DSG2: variants seen among roughly 807,000 people sequenced by gnomAD.
DSG2 encodes the protein desmoglein 2.
In DSG2, 45 loss-of-function variants were observed where a neutral mutation model predicts 75.6. That is an observed-to-expected ratio of 0.60 (90% CI 0.47 to 0.76). The LOEUF is 0.76. Ranked by LOEUF, DSG2 falls within the 30% of genes least tolerant of loss-of-function variation. The pLI, the probability that DSG2 is intolerant of heterozygous loss-of-function variation, is 0.00. For synonymous variants in DSG2, 429 were observed against 483.9 expected, an observed-to-expected ratio of 0.89 and a Z score of 1.49; for missense variants, 1,267 against 1,357.4, an observed-to-expected ratio of 0.93 and a Z score of 1.05.
At chr18:31,540,067 C>G (rs1230423577) in intron 12 of DSG2, among the ~76,000 whole-genome samples, 1 of 151,972 alleles carries the variant, frequency 6.6e-6, no homozygotes, top group Non-Finnish European at 1.5e-5. Flanking sequence ...CCCACTGATT[C>G]TACATTATGG....
rs1361613534 is a variant in DSG2, at chr18:31,511,648, C to T, written c.46-6591C>T. 2.6e-5 allele frequency among the ~76,000 whole-genome samples: 4 copies of T among 152,190 alleles called. No individual in the cohort carries two copies. The East Asian group carries it at 7.7e-4, about 29-fold the overall frequency. On this transcript the variant is annotated intron_variant, in intron 1 of 14. Coordinates refer to ENST00000261590, the MANE Select transcript of DSG2 (RefSeq NM_001943.5). ...TTACTAAAAGCATGCTACTGCAATA[C>T]GTGCTATAAAAATGCAGATAGCAGA...
intron 6 of DSG2, among the ~76,000 whole-genome samples, chr18:31,523,202 C>G (rs934262021): frequency 6.6e-6 from 1 of 151,930 alleles, no homozygotes; most frequent in Non-Finnish European, 1.5e-5. Flanking sequence ...GAGATCGAGA[C>G]CATCCTGGCT....
At position 31,531,232 on chromosome 18, in the gene DSG2, T is replaced by A; in HGVS notation, c.1260T>A (p.Thr420=). The A allele has an allele frequency of 6.2e-7, 1 of 1,614,196 alleles. No homozygotes were observed. Among genetic ancestry groups the A allele is most frequent in the East Asian group, 2.2e-5 (1 of 44,870 alleles). The change falls in exon 9 of 15, where the codon ACT becomes ACA. Residue 420 remains threonine (T), a synonymous_variant. Transcript: ENST00000261590. The stretch of plus-strand genomic sequence containing the variant: ...ATTTTCAAGCTTTTGATGAGGACAC[T>A]GGACTACCAGCCCATGCAAGGTAAG... ...IGNFQAFDED[T]GLPAHARYVK...
intron 9 of DSG2, among the ~76,000 whole-genome samples, chr18:31,534,197 A>G (rs2073214762): frequency 1.3e-5 from 2 of 152,258 alleles, no homozygotes; most frequent in African/African-American, 2.4e-5. Flanking sequence ...CCTGTTGGTC[A>G]GGCTGGTCTT....
At chr18:31,506,552 T>C (rs1034337833) in intron 1 of DSG2, among the ~76,000 whole-genome samples, 1 of 152,214 alleles carries the variant, frequency 6.6e-6, no homozygotes, top group African/African-American at 2.4e-5. Context: ...GACAGGCCAG[T>C]GCCATCTAAT....
At chr18:31,528,383 C>G (rs2073174912) in intron 8 of DSG2, among the ~76,000 whole-genome samples, 1 of 152,138 alleles carries the variant, frequency 6.6e-6, no homozygotes, top group Non-Finnish European at 1.5e-5. Flanking sequence ...GAATGAAGTA[C>G]TGATACAAGC....
Position 31,522,353 on chromosome 18 carries a change from C to G in DSG2, c.690+104C>G, listed in dbSNP as rs1040495891. 4.4e-6 allele frequency: 5 copies of G among 1,147,984 alleles called. No homozygotes were observed. The African/African-American group carries it at 7.7e-5, about 18-fold the overall frequency. The allele number at this position is 1,147,984 out of a possible 1,614,324, so 71.1% of individuals were successfully genotyped here. A position where few individuals can be genotyped will look rare whatever the true frequency, so the allele number is the denominator to read the frequency against. On this transcript the variant is annotated intron_variant, in intron 6 of 14. Coordinates refer to ENST00000261590, the MANE Select transcript of DSG2 (RefSeq NM_001943.5). Reference sequence around the variant, plus strand: ...TCTTATTTTGTTCTGTATTCCTTATCCATAGGATAACTCTTGGAATTACTC... The same window carrying G: ...TCTTATTTTGTTCTGTATTCCTTATGCATAGGATAACTCTTGGAATTACTC...
chr18:31,513,328 A>G (rs920385067), intron 1 of DSG2, among the ~76,000 whole-genome samples: 3 of 152,150 alleles, frequency 2.0e-5, no homozygotes, highest in Non-Finnish European at 2.9e-5. Context: ...TCCTCACTCA[A>G]CAGTCTCCAG....
At position 31,530,835 on chromosome 18, in the gene DSG2, G is replaced by A. The variant is rs146913329; in HGVS notation, c.1015-152G>A. The A allele has an allele frequency of 1.9e-5, 13 of 668,012 alleles. No homozygotes were observed. The Admixed American group carries it at 2.4e-4, about 12-fold the overall frequency. The allele number at this position is 668,012 out of a possible 1,614,324, so 41.4% of individuals were successfully genotyped here. ...GATTGACAGAATTTTTATTTGCTTGGTGTCAGTATAAGAGTTGGACTATTC... is the reference window on the plus strand; with the variant it reads ...GATTGACAGAATTTTTATTTGCTTGATGTCAGTATAAGAGTTGGACTATTC... On this transcript the variant is annotated intron_variant, in intron 8 of 14. Transcript: ENST00000261590.
intron 1 of DSG2, among the ~76,000 whole-genome samples, chr18:31,510,050 T>C (rs1230263779): frequency 6.6e-6 from 1 of 152,224 alleles, no homozygotes; most frequent in African/African-American, 2.4e-5. Flanking sequence ...AAAAGAATTA[T>C]AAAACATTCT....
At chr18:31,537,893 C>T (rs1383360055) in intron 11 of DSG2, among the ~76,000 whole-genome samples, 1 of 151,960 alleles carries the variant, frequency 6.6e-6, no homozygotes, top group Non-Finnish European at 1.5e-5. Context: ...ATCCCAGCTA[C>T]TCAGGAGGCT....
At chr18:31,523,660 G>A (rs2073142878) in intron 6 of DSG2, among the ~76,000 whole-genome samples, 2 of 152,266 alleles carry the variant, frequency 1.3e-5, no homozygotes, top group South Asian at 4.1e-4. Flanking sequence ...CTTCTGCCAG[G>A]TACTGTTCTA....
intron 1 of DSG2, among the ~76,000 whole-genome samples, chr18:31,512,408 G>T (rs1192882869): frequency 6.6e-6 from 1 of 152,208 alleles, no homozygotes; most frequent in Non-Finnish European, 1.5e-5. Flanking sequence ...AACTCCCAGG[G>T]TTTAAGCTAG....
chr18:31,514,167 C>T (rs898518610), intron 1 of DSG2, among the ~76,000 whole-genome samples: 7 of 152,272 alleles, frequency 4.6e-5, no homozygotes, highest in South Asian at 2.1e-4. Flanking sequence ...TAACTAAATG[C>T]ACCAATGTTA....
At chr18:31,529,443 T>C (rs1441750452) in intron 8 of DSG2, among the ~76,000 whole-genome samples, 1 of 152,128 alleles carries the variant, frequency 6.6e-6, no homozygotes, top group South Asian at 2.1e-4. Flanking sequence ...AGTGCAAGAG[T>C]GACTTAAATA....
intron 10 of DSG2, among the ~76,000 whole-genome samples, chr18:31,535,900 A>C (rs2073227040): frequency 6.6e-6 from 1 of 152,222 alleles, no homozygotes; most frequent in Admixed American, 6.5e-5. Context: ...CCTGGACAAA[A>C]AAGCAAGACA....
At chr18:31,504,892 T>C (rs187804165) in intron 1 of DSG2, among the ~76,000 whole-genome samples, 121 of 152,340 alleles carry the variant, frequency 7.9e-4, no homozygotes, top group Middle Eastern at 3.4e-3. Flanking sequence ...ACACAGGGCA[T>C]TGCCAAGGAT....
chr18:31,524,109 A>G (rs2073145937), intron 6 of DSG2, among the ~76,000 whole-genome samples: 1 of 152,238 alleles, frequency 6.6e-6, no homozygotes, highest in Admixed American at 6.5e-5. Flanking sequence ...CTGAGAATGA[A>G]GTGCAGGACA....
chr18:31,542,876 G>T, intron 14 of DSG2, 24 bp downstream of exon 14: 1 of 1,090,272 alleles, frequency 9.2e-7, no homozygotes, highest in Non-Finnish European at 1.3e-6. Flanking sequence ...TTATGTATTG[G>T]TGGTGGGGGG....
Sources: gnomAD v4.1 joint callset for allele counts (sites outside exome capture counted in the v4.1 genomes callset) on GRCh38, gnomAD v4.1.1 for gene constraint, MANE v1.5 for transcripts, NCBI Gene and HGNC (gene_info 2026-07-23, HGNC 2026-07-21) for gene names.